The following NMT2 variants were observed in gnomAD, a reference collection of about 807,000 sequenced individuals.
NMT2 encodes the protein glycylpeptide N-tetradecanoyltransferase 2.
In NMT2, 35 loss-of-function variants were observed where a neutral mutation model predicts 65.4. That is an observed-to-expected ratio of 0.54 (90% CI 0.41 to 0.71). NMT2 has a LOEUF of 0.71. Among genes scored for constraint, NMT2 ranks in the 30% least tolerant of loss-of-function variants. The probability of loss-of-function intolerance (pLI) is 0.00; values close to 1 mark genes in which losing one functional copy is unlikely to be tolerated. For synonymous variants in NMT2, 226 were observed against 231.8 expected, an observed-to-expected ratio of 0.98 and a Z score of 0.23; for missense variants, 489 against 611.3, an observed-to-expected ratio of 0.80 and a Z score of 2.11.
At chr10:15,122,655 G>T (rs550617772) in intron 8 of NMT2, among the ~76,000 whole-genome samples, 4 of 152,172 alleles carry the variant, frequency 2.6e-5, no homozygotes, top group African/African-American at 7.2e-5. Context: ...TCCTGACCTT[G>T]TGATCTGCCC....
chr10:15,116,310 A>G (rs7922086), intron 9 of NMT2, among the ~76,000 whole-genome samples: 59,705 of 152,016 alleles, frequency 0.39, 15,341 homozygotes, highest in African/African-American at 0.74. Flanking sequence ...AAAATTGAAC[A>G]GCACAATTCT....
At chr10:15,150,670 G>A (rs1188066925) in intron 1 of NMT2, among the ~76,000 whole-genome samples, 2 of 152,128 alleles carry the variant, frequency 1.3e-5, no homozygotes, top group East Asian at 3.9e-4. Flanking sequence ...TGTATGGCCA[G>A]TGAGGGACAA....
rs144111218 is a variant in NMT2, at chr10:15,159,553, G to A, written c.110+8950C>T. Among the ~76,000 whole-genome samples, 108 of 152,052 alleles carry A rather than the reference G, an allele frequency of 7.1e-4. 2 individuals are homozygous for A. The East Asian group carries it at 0.015, about 21-fold the overall frequency. On this transcript the variant is annotated intron_variant, in intron 1 of 11. Coordinates refer to ENST00000378165, the MANE Select transcript of NMT2 (RefSeq NM_004808.3). ...TCAAGCAATTCTGCCTCAGCCTCCCGATTAGCTGGGATTACAGGTGCCCGC... is the reference window on the plus strand; with the variant it reads ...TCAAGCAATTCTGCCTCAGCCTCCCAATTAGCTGGGATTACAGGTGCCCGC...
At chr10:15,151,241 G>C (rs1179019583) in intron 1 of NMT2, among the ~76,000 whole-genome samples, 1 of 152,088 alleles carries the variant, frequency 6.6e-6, no homozygotes, top group Middle Eastern at 3.2e-3. Flanking sequence ...ATTTTTAGTA[G>C]AGACGGGGTT....
chr10:15,127,541 C>A (rs1280950213), intron 8 of NMT2, among the ~76,000 whole-genome samples: 1 of 58,440 alleles, frequency 1.7e-5, no homozygotes, highest in Admixed American at 2.5e-4. Flanking sequence ...AGTGAGACTC[C>A]GTCTCAAAAA....
intron 2 of NMT2, among the ~76,000 whole-genome samples, chr10:15,140,801 C>A (rs1358587508): frequency 6.6e-6 from 1 of 152,220 alleles, no homozygotes; most frequent in Non-Finnish European, 1.5e-5. Flanking sequence ...CCATCTGTGC[C>A]ACCAGACACC....
chr10:15,159,009 C>T (rs1833098095), intron 1 of NMT2, among the ~76,000 whole-genome samples: 1 of 152,202 alleles, frequency 6.6e-6, no homozygotes, highest in African/African-American at 2.4e-5. Context: ...TCAGTCCCAG[C>T]AAGGTGCCAG....
At chr10:15,133,642 A>G (rs1846368365) in intron 3 of NMT2, among the ~76,000 whole-genome samples, 1 of 152,072 alleles carries the variant, frequency 6.6e-6, no homozygotes, top group Non-Finnish European at 1.5e-5. Flanking sequence ...GCTGGAGTGC[A>G]GTGGTGCAAT....
At chr10:15,168,345 C>T (rs1374550674) in intron 1 of NMT2, 158 bp downstream of exon 1, 1 of 590,816 alleles carries the variant, frequency 1.7e-6, no homozygotes, top group Non-Finnish European at 2.9e-6. Context: ...GCGAGCCGCG[C>T]GCCCCGGACC....
chr10:15,127,626 G>T (rs1333463762), intron 8 of NMT2, among the ~76,000 whole-genome samples: 1 of 150,870 alleles, frequency 6.6e-6, no homozygotes, highest in East Asian at 1.9e-4. Context: ...CTTTTCGCTG[G>T]GTGCAGTGGC....
Position 15,108,402 on chromosome 10 carries a change from G to A in NMT2, c.*793C>T. The A allele has an allele frequency of 1.6e-6, 1 of 614,834 alleles. No individual in the cohort carries two copies. Among genetic ancestry groups the A allele is most frequent in the Non-Finnish European group, 2.0e-6 (1 of 491,800 alleles). The allele number at this position is 614,834 out of a possible 1,614,324, so 38.1% of individuals were successfully genotyped here. A position where few individuals can be genotyped will look rare whatever the true frequency, so the allele number is the denominator to read the frequency against. On this transcript the variant is annotated 3_prime_UTR_variant, in exon 12 of 12. Coordinates refer to ENST00000378165, the MANE Select transcript of NMT2 (RefSeq NM_004808.3). Reference sequence around the variant, plus strand: ...GGGTTTCACTATGTTGGCCAGAATGGTCTCGATCTCCTGACCTCATGATCT... The same window carrying A: ...GGGTTTCACTATGTTGGCCAGAATGATCTCGATCTCCTGACCTCATGATCT...
rs191092222 is a variant in NMT2, at chr10:15,106,603, A to T, written c.*2592T>A. 9 of 982,700 alleles carry T rather than the reference A, an allele frequency of 9.2e-6. No homozygotes were observed. In the African/African-American group the frequency reaches 1.2e-4, roughly 13 times the overall value. The allele number at this position is 982,700 out of a possible 1,614,324, so 60.9% of individuals were successfully genotyped here. ...CCAGTCGCCCTCTGGTGGTAGTCTC[A>T]GGGATGTCACAGCTGTGGGTTGGTC... is the stretch of plus-strand genomic sequence containing the variant. On this transcript the variant is annotated 3_prime_UTR_variant, in exon 12 of 12. Coordinates refer to ENST00000378165, the MANE Select transcript of NMT2 (RefSeq NM_004808.3).
intron 8 of NMT2, among the ~76,000 whole-genome samples, chr10:15,127,546 CAAAAAAAAAAAAAAA>C (rs1239422956): frequency 0.38 from 19,727 of 51,658 alleles, 3,456 homozygotes; most frequent in African/African-American, 0.62. Context: ...GACTCCGTCT[CAAAAAAAAAAAAAAA>C]AAAAAAAAAT....
rs1305797827 is a variant in NMT2, at chr10:15,108,218, C to T, written c.*977G>A. ...TTTTTTTTTTTGAGACGGAGTCTCA[C>T]GCTCTGTCACCCAGGCTGGAGTGCA... On this transcript the variant is annotated 3_prime_UTR_variant, in exon 12 of 12. Transcript: ENST00000378165. The T allele has an allele frequency of 7.2e-6, 7 of 970,914 alleles. No individual in the cohort carries two copies. The highest frequency in any genetic ancestry group is 1.3e-4 in the Admixed American group (2 of 15,818). 60.1% of individuals were successfully genotyped at this position (970,914 alleles called of 1,614,324 possible). A position where few individuals can be genotyped will look rare whatever the true frequency, so the allele number is the denominator to read the frequency against.
At chr10:15,124,440 G>T (rs990635033) in intron 8 of NMT2, among the ~76,000 whole-genome samples, 2 of 152,198 alleles carry the variant, frequency 1.3e-5, no homozygotes, top group African/African-American at 4.8e-5. Context: ...TCCTGTGGCT[G>T]TTGTGATTAG....
At chr10:15,123,903 G>A (rs959970003) in intron 8 of NMT2, among the ~76,000 whole-genome samples, 1 of 152,156 alleles carries the variant, frequency 6.6e-6, no homozygotes, top group Admixed American at 6.6e-5. Context: ...CAGTAGTGTT[G>A]TTATCTGTCA....
At chr10:15,149,514 T>C (rs1395566961) in intron 1 of NMT2, among the ~76,000 whole-genome samples, 1 of 15,350 alleles carries the variant, frequency 6.5e-5, no homozygotes, top group African/African-American at 1.7e-4. Context: ...ACCATCATTA[T>C]CACCACCATC....
At chr10:15,136,220 A>AGGAAAG (rs1182864895) in intron 2 of NMT2, among the ~76,000 whole-genome samples, 16 of 144,802 alleles carry the variant, frequency 1.1e-4, no homozygotes, top group African/African-American at 3.6e-4. Flanking sequence ...AGACTCTGTC[A>AGGAAAG]GGAAAGGGAA....
chr10:15,121,872 TA>T (rs1295854251), intron 8 of NMT2, among the ~76,000 whole-genome samples: 1 of 152,242 alleles, frequency 6.6e-6, no homozygotes, highest in East Asian at 1.9e-4. Context: ...ATGTCATGTC[TA>T]AAGCACTTCA....
Sources: gnomAD v4.1 joint callset for allele counts (sites outside exome capture counted in the v4.1 genomes callset) on GRCh38, gnomAD v4.1.1 for gene constraint, MANE v1.5 for transcripts, NCBI Gene and HGNC (gene_info 2026-07-23, HGNC 2026-07-21) for gene names.